C5orf24: variants seen among roughly 807,000 people sequenced by gnomAD.
The protein encoded by C5orf24 is UPF0461 protein C5orf24.
A neutral mutation model predicts 9.8 loss-of-function variants in C5orf24; 4 were observed. The ratio of observed to expected loss-of-function variants is 0.41; its 90% confidence interval spans 0.20 to 0.93. C5orf24 has a LOEUF of 0.93. C5orf24 is among the 40% of genes least tolerant of loss of function. C5orf24 has a pLI of 0.33. For missense variants in C5orf24, 170 were observed against 236.9 expected, an observed-to-expected ratio of 0.72 and a Z score of 1.85; for synonymous variants, 73 against 81.3, an observed-to-expected ratio of 0.90 and a Z score of 0.55.
At chr5:134,844,963 C>T (rs1251498163), upstream of C5orf24, among the ~76,000 whole-genome samples, 1 of 152,068 alleles carries the variant, frequency 6.6e-6, no homozygotes, top group African/African-American at 2.4e-5. Context: ...GTTTCGAACT[C>T]CTGACCTCGT....
the C5orf24 span, among the ~76,000 whole-genome samples, chr5:134,837,614 T>C: frequency 6.9e-6 from 1 of 144,480 alleles, no homozygotes; most frequent in Admixed American, 7.0e-5. Flanking sequence ...AGTGCCCTTA[T>C]AAAAGAGACC....
At chr5:134,840,138 C>A in the C5orf24 span, among the ~76,000 whole-genome samples, 1 of 151,962 alleles carries the variant, frequency 6.6e-6, no homozygotes, top group Non-Finnish European at 1.5e-5. Context: ...GAAACTCCAT[C>A]TCTACTAAAA....
the C5orf24 span, among the ~76,000 whole-genome samples, chr5:134,836,784 C>T: frequency 2.0e-5 from 3 of 151,706 alleles, no homozygotes; most frequent in South Asian, 2.1e-4. Flanking sequence ...CCTCGTGATC[C>T]GCCCACCTCG....
chr5:134,841,273 A>G (rs974694896), upstream of C5orf24, among the ~76,000 whole-genome samples: 2 of 151,760 alleles, frequency 1.3e-5, no homozygotes, highest in Middle Eastern at 3.2e-3. Context: ...AGTAAGAAAA[A>G]TCTCAGTGAT....
rs1261395962 is a variant in C5orf24, at chr5:134,857,793, AT to A, written c.*2327del. 1 of 177,876 alleles carries A rather than the reference AT, an allele frequency of 5.6e-6. No homozygotes were observed. Among genetic ancestry groups the A allele is most frequent in the African/African-American group, 2.4e-5 (1 of 41,928 alleles). The allele number at this position is 177,876 out of a possible 1,614,324, so 11.0% of individuals were successfully genotyped here. A position where few individuals can be genotyped will look rare whatever the true frequency, so the allele number is the denominator to read the frequency against. ...GCCAGTTTCTAAAGACATTTGTTTA[AT>A]GTTCTACCATAGAATAATGCACACC... On this transcript the variant is annotated 3_prime_UTR_variant, in exon 2 of 2. Coordinates refer to ENST00000394976, the MANE Select transcript of C5orf24 (RefSeq NM_001135586.1).
the C5orf24 span, among the ~76,000 whole-genome samples, chr5:134,836,748 T>C: frequency 6.6e-6 from 1 of 151,704 alleles, no homozygotes; most frequent in Non-Finnish European, 1.5e-5. Context: ...TTCACCATAT[T>C]GGTCAGGCTG....
At chr5:134,845,150 C>T (rs1755960051), upstream of C5orf24, among the ~76,000 whole-genome samples, 1 of 152,190 alleles carries the variant, frequency 6.6e-6, no homozygotes, top group African/African-American at 2.4e-5. Context: ...TGTGTCCTGG[C>T]TTGTGTGTTT....
At chr5:134,847,957 C>A (rs1756042246) in intron 1 of C5orf24, among the ~76,000 whole-genome samples, 1 of 152,226 alleles carries the variant, frequency 6.6e-6, no homozygotes, top group Non-Finnish European at 1.5e-5. Flanking sequence ...CCCACCTGGG[C>A]TTCCAAAATT....
chr5:134,853,460 T>TA (rs1268264383), intron 1 of C5orf24, among the ~76,000 whole-genome samples: 549 of 130,010 alleles, frequency 4.2e-3, no homozygotes, highest in Non-Finnish European at 6.2e-3. Context: ...GTCCTTTATA[T>TA]AAAAAAAAAA....
chr5:134,853,231 C>T (rs1356039264), intron 1 of C5orf24, among the ~76,000 whole-genome samples: 2 of 151,128 alleles, frequency 1.3e-5, no homozygotes, highest in African/African-American at 2.4e-5. Flanking sequence ...CGTGGTGGCA[C>T]ATGCCTGTAA....
At chr5:134,850,127 T>C (rs1409574263) in intron 1 of C5orf24, among the ~76,000 whole-genome samples, 1 of 152,136 alleles carries the variant, frequency 6.6e-6, no homozygotes, top group African/African-American at 2.4e-5. Context: ...ATTGAAGGAA[T>C]GAAGAAATGG....
At chr5:134,847,417 T>G (rs1756026224) in intron 1 of C5orf24, among the ~76,000 whole-genome samples, 1 of 151,992 alleles carries the variant, frequency 6.6e-6, no homozygotes, top group Non-Finnish European at 1.5e-5. Context: ...TGCCTCAGCC[T>G]CCCAAGTAGC....
At chr5:134,849,454 T>C (rs958939767) in intron 1 of C5orf24, among the ~76,000 whole-genome samples, 4 of 152,074 alleles carry the variant, frequency 2.6e-5, no homozygotes, top group Non-Finnish European at 5.9e-5. Flanking sequence ...AGTCTGAAAA[T>C]AGGAAAGGAT....
In C5orf24 at chr5:134,855,553, T is replaced by A. The variant is rs1244944824; in HGVS notation, c.*86T>A. 1 of 1,544,008 alleles carries A rather than the reference T, an allele frequency of 6.5e-7. No homozygotes were observed. Among genetic ancestry groups the A allele is most frequent in the African/African-American group, 1.4e-5 (1 of 71,582 alleles). On this transcript the variant is annotated 3_prime_UTR_variant, in exon 2 of 2. Transcript: ENST00000394976. Reference sequence around the variant, plus strand: ...TGGTTTTATTTTGATATACATAATTTTATGGCCTGGGCTTTCCAAATTTGT... The same window carrying A: ...TGGTTTTATTTTGATATACATAATTATATGGCCTGGGCTTTCCAAATTTGT...
rs1168224219 is a variant in C5orf24, at chr5:134,857,147, CA to C, written c.*1681del. 55 of 1,300,598 alleles carry C rather than the reference CA, an allele frequency of 4.2e-5. No homozygotes were observed. Among genetic ancestry groups the C allele is most frequent in the Middle Eastern group, 3.0e-4 (1 of 3,284 alleles). The allele number at this position is 1,300,598 out of a possible 1,614,324, so 80.6% of individuals were successfully genotyped here. A position where few individuals can be genotyped will look rare whatever the true frequency, so the allele number is the denominator to read the frequency against. On this transcript the variant is annotated 3_prime_UTR_variant, in exon 2 of 2. Transcript: ENST00000394976. ...GTTCTAAATAAAATATTATAAACTT[CA>C]GACTTGAAAAAATTCCACTTAACTT...
At chr5:134,840,971 A>C (rs1755883373), upstream of C5orf24, among the ~76,000 whole-genome samples, 1 of 152,080 alleles carries the variant, frequency 6.6e-6, no homozygotes, top group South Asian at 2.1e-4. Flanking sequence ...CAGCTCTTTC[A>C]CACTAAATCA....
chr5:134,858,653 A>G lies in C5orf24; in HGVS notation c.*3186A>G, dbSNP rs552591066. On this transcript the variant is annotated 3_prime_UTR_variant, in exon 2 of 2. Transcript: ENST00000394976. ...TTTTTTCTTTAAAAAGTACTTTAAC[A>G]TGCCTTATTTATTATATTAGCAAAT... 1 of 167,138 alleles carries G rather than the reference A, an allele frequency of 6.0e-6. No individual in the cohort carries two copies. Among genetic ancestry groups the G allele is most frequent in the East Asian group, 1.9e-4 (1 of 5,198 alleles). The allele number at this position is 167,138 out of a possible 1,614,324, so 10.4% of individuals were successfully genotyped here. A position where few individuals can be genotyped will look rare whatever the true frequency, so the allele number is the denominator to read the frequency against.
At chr5:134,843,722 T>A (rs1755933591), upstream of C5orf24, among the ~76,000 whole-genome samples, 1 of 152,180 alleles carries the variant, frequency 6.6e-6, no homozygotes, top group Non-Finnish European at 1.5e-5. Context: ...CATGCCTAAT[T>A]TTTTGTATTT....
chr5:134,851,081 A>G (rs758308449), intron 1 of C5orf24, among the ~76,000 whole-genome samples: 2 of 150,546 alleles, frequency 1.3e-5, no homozygotes, highest in African/African-American at 2.4e-5. Context: ...TTTCCCCCAC[A>G]AAATTTTTGT....
Sources: gnomAD v4.1 joint callset for allele counts (sites outside exome capture counted in the v4.1 genomes callset) on GRCh38, gnomAD v4.1.1 for gene constraint, MANE v1.5 for transcripts, NCBI Gene and HGNC (gene_info 2026-07-23, HGNC 2026-07-21) for gene names.